Variants in ALKBH3 observed in about 807,000 individuals in gnomAD.
The protein encoded by ALKBH3 is alpha-ketoglutarate-dependent dioxygenase alkB homolog 3.
ALKBH3 carries 51 observed loss-of-function variants against 43.9 expected under a neutral mutation model. The ratio of observed to expected loss-of-function variants is 1.16; its 90% CI spans 0.93 to 1.47. The LOEUF is 1.47. Ranked by LOEUF, ALKBH3 falls within the 40% of genes most tolerant of loss-of-function variation. The pLI is 0.00. For synonymous variants in ALKBH3, 102 were observed against 115.2 expected (o/e 0.89, Z 0.73); for missense variants, 361 against 351.9 (o/e 1.03, Z -0.21).
At chr11:43,898,322 T>C in intron 7 of ALKBH3, 1 of 716,574 alleles carries the variant, frequency 1.4e-6, no homozygotes. Flanking sequence ...AGAGAGATCA[T>C]TTGTCAATCT....
chr11:43,896,609 T>A (rs1951820820), intron 7 of ALKBH3, among the ~76,000 whole-genome samples: 1 of 152,188 alleles, frequency 6.6e-6, no homozygotes, highest in African/African-American at 2.4e-5. Context: ...TAATCTCTTT[T>A]TGCAACACCC....
chr11:43,898,066 C>T (rs1951832127), intron 7 of ALKBH3: 1 of 997,436 alleles, frequency 1.0e-6, no homozygotes, highest in East Asian at 2.4e-5. Flanking sequence ...AGATGCTGTC[C>T]TCAAGGAGGG....
At chr11:43,910,028 A>G (rs1340366185) in intron 8 of ALKBH3, 1 of 152,230 alleles carries the variant, frequency 6.6e-6, no homozygotes, top group Non-Finnish European at 1.5e-5. Context: ...ATTGGTCACC[A>G]GGATGCATCA....
chr11:43,896,903 G>C (rs906674439), intron 7 of ALKBH3, among the ~76,000 whole-genome samples: 1 of 152,126 alleles, frequency 6.6e-6, no homozygotes, highest in Non-Finnish European at 1.5e-5. Context: ...CAAAGTGTAG[G>C]CTGGACCAAT....
chr11:43,894,239 C>CTCTCCTTTCT (rs1411797635), intron 7 of ALKBH3, among the ~76,000 whole-genome samples: 2 of 152,172 alleles, frequency 1.3e-5, no homozygotes, highest in Non-Finnish European at 2.9e-5. Context: ...CCAACTTGAC[C>CTCTCCTTTCT]TCTCCTTTCT....
At chr11:43,885,467 C>G (rs1418344008) in intron 4 of ALKBH3, among the ~76,000 whole-genome samples, 1 of 152,198 alleles carries the variant, frequency 6.6e-6, no homozygotes, top group East Asian at 1.9e-4. Flanking sequence ...AAGCCTAGCT[C>G]AGAGATCATG....
rs542847003 is a variant in ALKBH3, at chr11:43,889,748, T to C, written c.290T>C (p.Val97Ala). Residue 97 changes from valine to alanine, a missense_variant, in exon 6 of 10, where the codon GTT becomes GCT. Physicochemically the swap from Val to Ala is moderately conservative, Grantham distance 64. Transcript: ENST00000302708. ...VSRVCLYPGF[V>A]DVKEADWILE... ...AGGGTCTGTTTGTATCCTGGCTTTG[T>C]TGACGTGAAAGAAGCTGACTGGATA... is the stretch of plus-strand genomic sequence containing the variant. 8 of 1,614,110 alleles carry C rather than the reference T, an allele frequency of 5.0e-6. No individual in the cohort carries two copies. The Admixed American group carries it at 8.3e-5, about 17-fold the overall frequency.
chr11:43,886,753 T>TG, intron 5 of ALKBH3, 100 bp downstream of exon 5: 1 of 1,160,076 alleles, frequency 8.6e-7, no homozygotes, highest in Non-Finnish European at 1.3e-6. Flanking sequence ...TACATATACA[T>TG]TATGGAATAC....
chr11:43,915,069 A>G (rs1951972575), intron 8 of ALKBH3, among the ~76,000 whole-genome samples: 1 of 151,894 alleles, frequency 6.6e-6, no homozygotes, highest in Non-Finnish European at 1.5e-5. Flanking sequence ...TTAGCCAGGC[A>G]TGGTGGCAGG....
At chr11:43,882,535 T>C (rs1951719021) in intron 1 of ALKBH3, 48 bp from the exon 2 acceptor site, 2 of 858,220 alleles carry the variant, frequency 2.3e-6, no homozygotes, top group East Asian at 5.6e-5. Flanking sequence ...GGAGTAATTG[T>C]TCACAATCCT....
At chr11:43,898,785 T>C (rs1951839573) in intron 7 of ALKBH3, 2 of 757,594 alleles carry the variant, frequency 2.6e-6, no homozygotes, top group South Asian at 2.8e-5. Flanking sequence ...GTCCATTTAT[T>C]GATGACAACA....
At chr11:43,889,211 G>C (rs2135180088) in intron 5 of ALKBH3, among the ~76,000 whole-genome samples, 1 of 152,282 alleles carries the variant, frequency 6.6e-6, no homozygotes, top group East Asian at 1.9e-4. Flanking sequence ...ATTTTTGGTA[G>C]ACGGGGTTTC....
intron 7 of ALKBH3, among the ~76,000 whole-genome samples, chr11:43,896,024 CT>C (rs1289044229): frequency 6.6e-6 from 1 of 152,166 alleles, no homozygotes; most frequent in Non-Finnish European, 1.5e-5. Context: ...GAACTAGCTA[CT>C]TTTGTTGTGG....
At chr11:43,907,149 G>A (rs1951901194) in intron 8 of ALKBH3, among the ~76,000 whole-genome samples, 1 of 152,164 alleles carries the variant, frequency 6.6e-6, no homozygotes. Flanking sequence ...TTGGGTTTTT[G>A]AGTTCCCATC....
In ALKBH3 at chr11:43,885,579, G is replaced by C. The variant is rs892889760; in HGVS notation, c.219-1027G>C. On this transcript the variant is annotated intron_variant, in intron 4 of 9. Coordinates refer to ENST00000302708, the MANE Select transcript of ALKBH3 (RefSeq NM_139178.4). Reference sequence around the variant, plus strand: ...AGGATCTGACACAATTGTCTTGATAGATATACCTATCCAGTCTGTGTCACT... The same window carrying C: ...AGGATCTGACACAATTGTCTTGATACATATACCTATCCAGTCTGTGTCACT... Among the ~76,000 whole-genome samples, 27 of 152,192 alleles carry C rather than the reference G, an allele frequency of 1.8e-4. 1 individual carries two copies. The highest frequency in any genetic ancestry group is 6.5e-4 in the African/African-American group (27 of 41,458).
intron 7 of ALKBH3, among the ~76,000 whole-genome samples, chr11:43,895,521 A>G (rs1951812676): frequency 1.3e-5 from 2 of 152,222 alleles, no homozygotes; most frequent in East Asian, 3.8e-4. Context: ...TAAATTACCC[A>G]GTCTTGGGTA....
intron 3 of ALKBH3, 151 bp downstream of exon 3, chr11:43,883,339 G>T: frequency 4.8e-6 from 3 of 631,020 alleles, no homozygotes; most frequent in Non-Finnish European, 8.1e-6. Context: ...AAATATTTCA[G>T]TTCCTTTCTA....
chr11:43,898,792 A>G, intron 7 of ALKBH3: 1 of 761,836 alleles, frequency 1.3e-6, no homozygotes, highest in Admixed American at 1.7e-5. Flanking sequence ...TATTGATGAC[A>G]ACACCAGAAG....
Position 43,882,676 on chromosome 11 carries a change from C to T in ALKBH3, c.24C>T (p.Ala8=). 1 of 1,613,138 alleles carries T rather than the reference C, an allele frequency of 6.2e-7. No homozygotes were observed. Among genetic ancestry groups the T allele is most frequent in the African/African-American group, 1.3e-5 (1 of 74,926 alleles). The change falls in exon 2 of 10, where the codon GCC becomes GCT. Residue 8 remains alanine, a synonymous_variant. Transcript: ENST00000302708. MEEKRRR[A]RVQGAWAAPV... is the part of the protein sequence containing the mutation. Reference sequence around the variant, plus strand: ...ACATGGAGGAAAAAAGACGGCGAGCCCGAGTTCAGGGAGCCTGGGCTGCCC... The same window carrying T: ...ACATGGAGGAAAAAAGACGGCGAGCTCGAGTTCAGGGAGCCTGGGCTGCCC...
Sources: gnomAD v4.1 joint callset for allele counts (sites outside exome capture counted in the v4.1 genomes callset) on GRCh38, gnomAD v4.1.1 for gene constraint, MANE v1.5 for transcripts, NCBI Gene and HGNC (gene_info 2026-07-23, HGNC 2026-07-21) for gene names.